The following XPA variants were observed in gnomAD, a reference collection of about 807,000 sequenced individuals.
XPA encodes DNA repair protein complementing XP-A cells.
XPA carries 27 observed loss-of-function variants against 35.7 expected under a neutral mutation model. That is an observed-to-expected ratio of 0.76 (90% CI 0.56 to 1.04). The LOEUF is 1.04. Ranked by LOEUF, XPA falls within the 50% of genes least tolerant of loss-of-function variation. The probability of loss-of-function intolerance (pLI) is 0.00; values close to 1 mark genes in which losing one functional copy is unlikely to be tolerated. For synonymous variants in XPA, 133 were observed against 118.4 expected (o/e 1.12, Z -0.80); for missense variants, 354 against 342.7 (o/e 1.03, Z -0.26).
At chr9:97,676,404 C>T (rs974080308) in intron 5 of XPA, among the ~76,000 whole-genome samples, 20 of 152,180 alleles carry the variant, frequency 1.3e-4, no homozygotes, top group Admixed American at 1.2e-3. Flanking sequence ...TAATAAAAAG[C>T]AACACTTTAC....
intron 5 of XPA, among the ~76,000 whole-genome samples, chr9:97,676,699 G>A (rs1828376547): frequency 6.6e-6 from 1 of 152,160 alleles, no homozygotes; most frequent in South Asian, 2.1e-4. Context: ...AAGATAAGTA[G>A]AATTACTCCA....
chr9:97,656,774 G>A, the XPA span, among the ~76,000 whole-genome samples: 1 of 151,968 alleles, frequency 6.6e-6, no homozygotes, highest in Admixed American at 6.6e-5. Context: ...TGATGTAATG[G>A]CCCATTATCC....
Position 97,675,314 on chromosome 9 carries a change from ACT to A in XPA, c.*123_*124del. On this transcript the variant is annotated 3_prime_UTR_variant, in exon 6 of 6. Transcript: ENST00000375128. ...CATACATAATTATTACTGAAGTATT[ACT>A]TATACAAGGGTTTCATTCATCTATG... 9.4e-7 allele frequency: 1 copy of A among 1,059,098 alleles called. No homozygotes were observed. 65.6% of individuals were successfully genotyped at this position (1,059,098 alleles called of 1,614,324 possible).
At chr9:97,667,180 C>T in the XPA span, among the ~76,000 whole-genome samples, 1 of 152,080 alleles carries the variant, frequency 6.6e-6, no homozygotes, top group Non-Finnish European at 1.5e-5. Context: ...GGGAAGAGGA[C>T]ACTTGTATTT....
At chr9:97,696,999 C>G (rs546669988) in intron 1 of XPA, 122 bp downstream of exon 1, 3 of 1,294,794 alleles carry the variant, frequency 2.3e-6, no homozygotes, top group African/African-American at 3.1e-5. Flanking sequence ...CGGGGAGAAT[C>G]TGCACACATA....
chr9:97,678,246 C>A (rs1367781409), intron 5 of XPA, among the ~76,000 whole-genome samples: 1 of 151,994 alleles, frequency 6.6e-6, no homozygotes, highest in East Asian at 1.9e-4. Context: ...ACTGAAAACA[C>A]AAAAATTAGC....
intron 5 of XPA, among the ~76,000 whole-genome samples, chr9:97,676,791 A>G (rs1238508282): frequency 6.6e-6 from 1 of 152,220 alleles, no homozygotes; most frequent in Non-Finnish European, 1.5e-5. Flanking sequence ...TCTAGCATGA[A>G]AAGTACTTTG....
the XPA span, among the ~76,000 whole-genome samples, chr9:97,655,394 A>AT: frequency 7.4e-5 from 11 of 149,280 alleles, no homozygotes; most frequent in African/African-American, 4.9e-5. Context: ...ATTTCATAAA[A>AT]TTTTTTTTTT....
At chr9:97,680,769 A>G (rs1828515871) in intron 5 of XPA, among the ~76,000 whole-genome samples, 1 of 152,220 alleles carries the variant, frequency 6.6e-6, no homozygotes, top group Non-Finnish European at 1.5e-5. Context: ...AGGTAGTTTT[A>G]AAAACAAGGT....
intron 5 of XPA, among the ~76,000 whole-genome samples, chr9:97,679,496 A>G (rs1013265054): frequency 2.6e-5 from 4 of 152,202 alleles, no homozygotes; most frequent in Admixed American, 1.3e-4. Context: ...CATGACTGGA[A>G]TGGACTATAA....
At chr9:97,657,937 T>A in the XPA span, among the ~76,000 whole-genome samples, 9 of 145,202 alleles carry the variant, frequency 6.2e-5, no homozygotes, top group African/African-American at 2.3e-4. Flanking sequence ...TTTTTTTTTT[T>A]TTTTTTAACG....
At chr9:97,659,951 A>G in the XPA span, among the ~76,000 whole-genome samples, 1 of 152,082 alleles carries the variant, frequency 6.6e-6, no homozygotes, top group Non-Finnish European at 1.5e-5. Flanking sequence ...TGACTTTGCC[A>G]TTACCCCAGT....
At chr9:97,692,250 C>T (rs1020207268) in intron 2 of XPA, among the ~76,000 whole-genome samples, 1 of 151,090 alleles carries the variant, frequency 6.6e-6, no homozygotes, top group African/African-American at 2.4e-5. Context: ...GAGATCGCAC[C>T]ATTACACTCC....
At chr9:97,675,984 G>A (rs77614135) in intron 5 of XPA, 52 of 224,952 alleles carry the variant, frequency 2.3e-4, no homozygotes, top group Non-Finnish European at 4.2e-4. Context: ...AAAAAGGAGT[G>A]TTTTTAAGTT....
the XPA span, among the ~76,000 whole-genome samples, chr9:97,664,757 AGTCC>A: frequency 3.3e-5 from 5 of 152,328 alleles, no homozygotes; most frequent in South Asian, 1.0e-3. Context: ...AGTCTCAGCT[AGTCC>A]AGATGGAACT....
chr9:97,669,496 G>A, the XPA span: 2 of 761,982 alleles, frequency 2.6e-6, no homozygotes, highest in Non-Finnish European at 4.5e-6. Flanking sequence ...AAGACAGGGT[G>A]GAACAGGCAA....
downstream of XPA, chr9:97,671,224 G>GT (rs554720009): frequency 1.6e-4 from 231 of 1,478,932 alleles, 1 homozygote; most frequent in African/African-American, 1.4e-3. Flanking sequence ...TCATGTCAAG[G>GT]TTTTTTTTGA....
intron 1 of XPA, among the ~76,000 whole-genome samples, chr9:97,695,944 G>A (rs1217996481): frequency 6.6e-6 from 1 of 152,096 alleles, no homozygotes; most frequent in Non-Finnish European, 1.5e-5. Flanking sequence ...TGCACCTTCC[G>A]TTCCACAGCC....
downstream of XPA, chr9:97,670,038 T>G: frequency 2.7e-6 from 1 of 370,982 alleles, no homozygotes; most frequent in Non-Finnish European, 5.2e-6. Context: ...TTCTTCTGCC[T>G]CAGCCTCCCA....
Sources: gnomAD v4.1 joint callset for allele counts (sites outside exome capture counted in the v4.1 genomes callset) on GRCh38, gnomAD v4.1.1 for gene constraint, MANE v1.5 for transcripts, NCBI Gene and HGNC (gene_info 2026-07-23, HGNC 2026-07-21) for gene names.